SLCO1C1: variants seen among roughly 807,000 people sequenced by gnomAD.
SLCO1C1 encodes OAT-RP-5.
SLCO1C1 carries 70 observed loss-of-function variants against 76.4 expected under a neutral mutation model. The observed-to-expected ratio is 0.92, with a 90% CI of 0.76 to 1.12. The LOEUF is 1.12. Ranked by LOEUF, SLCO1C1 falls within the 50% of genes most tolerant of loss-of-function variation. The pLI, the probability that SLCO1C1 is intolerant of heterozygous loss-of-function variation, is 0.00. For synonymous variants in SLCO1C1, 306 were observed against 286.1 expected, an observed-to-expected ratio of 1.07 and a Z score of -0.70; for missense variants, 912 against 823.8, an observed-to-expected ratio of 1.11 and a Z score of -1.31.
At chr12:20,697,623 G>A (rs1042964071) in intron 1 of SLCO1C1, 3 of 151,970 alleles carry the variant, frequency 2.0e-5, no homozygotes, top group East Asian at 1.9e-4. Context: ...AATAGATGTC[G>A]AATTTTATCA....
At chr12:20,733,389 T>C (rs887942215) in intron 10 of SLCO1C1, among the ~76,000 whole-genome samples, 2 of 152,214 alleles carry the variant, frequency 1.3e-5, no homozygotes, top group African/African-American at 4.8e-5. Context: ...AATACAAACC[T>C]TGAATAATGC....
At chr12:20,734,349 T>A (rs1057298385) in intron 10 of SLCO1C1, among the ~76,000 whole-genome samples, 5 of 152,190 alleles carry the variant, frequency 3.3e-5, no homozygotes, top group African/African-American at 1.2e-4. Flanking sequence ...TAGTGCTGCC[T>A]TAGTGAAAGT....
At chr12:20,715,844 A>G (rs1947337891) in intron 6 of SLCO1C1, among the ~76,000 whole-genome samples, 1 of 152,232 alleles carries the variant, frequency 6.6e-6, no homozygotes, top group Non-Finnish European at 1.5e-5. Flanking sequence ...ATCCCAGTAA[A>G]TAGACCAGCA....
At chr12:20,731,979 C>T (rs1948293603) in intron 9 of SLCO1C1, among the ~76,000 whole-genome samples, 2 of 152,132 alleles carry the variant, frequency 1.3e-5, no homozygotes, top group South Asian at 4.1e-4. Context: ...GGTTTAGAGA[C>T]ATTCAAAGAA....
intron 5 of SLCO1C1, among the ~76,000 whole-genome samples, chr12:20,713,407 T>A (rs1366916038): frequency 1.3e-5 from 2 of 152,110 alleles, no homozygotes; most frequent in Admixed American, 1.3e-4. Flanking sequence ...GCACAACTAG[T>A]TAGGAAATAT....
intron 14 of SLCO1C1, among the ~76,000 whole-genome samples, chr12:20,752,012 G>C (rs1391851077): frequency 6.6e-6 from 1 of 152,082 alleles, no homozygotes; most frequent in African/African-American, 2.4e-5. Context: ...AGCATAAACT[G>C]GGGCTGTTCT....
chr12:20,716,150 C>A (rs989008442), intron 6 of SLCO1C1, among the ~76,000 whole-genome samples: 4 of 152,322 alleles, frequency 2.6e-5, no homozygotes, highest in Non-Finnish European at 4.4e-5. Flanking sequence ...CTTGGCTATG[C>A]TCTGCAGGAC....
In SLCO1C1 at chr12:20,751,878, A is replaced by G. The variant is rs145047182; in HGVS notation, c.1917-428A>G. On this transcript the variant is annotated intron_variant, in intron 14 of 14. Transcript: ENST00000266509. ...ATTCCCATTAGCATTTCTTTATGCA[A>G]GTTTTCCAAAGAAATGAAGTTGGGA... Among the ~76,000 whole-genome samples the G allele has an allele frequency of 2.0e-4, 31 of 152,276 alleles. No homozygotes were observed. The East Asian group carries it at 4.2e-3, about 21-fold the overall frequency.
intron 3 of SLCO1C1, among the ~76,000 whole-genome samples, chr12:20,703,955 C>CTG (rs146325219): frequency 0.076 from 10,650 of 140,178 alleles, 430 homozygotes; most frequent in African/African-American, 0.12. Context: ...TCGAGTGTGT[C>CTG]TGTGTGTGTG....
intron 1 of SLCO1C1, chr12:20,697,100 T>C (rs543502896): frequency 1.3e-5 from 2 of 152,196 alleles, no homozygotes; most frequent in Non-Finnish European, 2.9e-5. Context: ...TTTAACATAA[T>C]TATTTTTTCT....
chr12:20,704,485 CAAT>C (rs745406291), intron 3 of SLCO1C1, among the ~76,000 whole-genome samples: 7 of 151,772 alleles, frequency 4.6e-5, no homozygotes, highest in Non-Finnish European at 1.0e-4. Context: ...ATATGATACA[CAAT>C]GTCTTCTACT....
intron 9 of SLCO1C1, among the ~76,000 whole-genome samples, chr12:20,726,647 G>T (rs942649250): frequency 1.6e-4 from 24 of 151,982 alleles, no homozygotes; most frequent in African/African-American, 5.8e-4. Flanking sequence ...AAGAAATTTG[G>T]ATAGGCAGCT....
At chr12:20,707,031 C>T (rs988240281) in intron 4 of SLCO1C1, among the ~76,000 whole-genome samples, 4 of 136,320 alleles carry the variant, frequency 2.9e-5, no homozygotes, top group African/African-American at 1.1e-4. Flanking sequence ...TTCTAGACCA[C>T]TTATGTAAGT....
intron 13 of SLCO1C1, among the ~76,000 whole-genome samples, chr12:20,750,302 G>A (rs1949236252): frequency 6.6e-6 from 1 of 152,126 alleles, no homozygotes; most frequent in South Asian, 2.1e-4. Flanking sequence ...GTATGATTCC[G>A]GGACAGATTA....
chr12:20,716,549 A>G (rs1163425763), intron 6 of SLCO1C1, among the ~76,000 whole-genome samples: 2 of 152,306 alleles, frequency 1.3e-5, no homozygotes, highest in East Asian at 1.9e-4. Context: ...CCTTTAGGCC[A>G]TCTGTTCCAC....
At chr12:20,735,533 G>A (rs763439362) in intron 10 of SLCO1C1, among the ~76,000 whole-genome samples, 1 of 152,098 alleles carries the variant, frequency 6.6e-6, no homozygotes, top group Non-Finnish European at 1.5e-5. Flanking sequence ...TATACTTTCA[G>A]ATAATACAAA....
At chr12:20,696,748 G>C (rs1946285777) in intron 1 of SLCO1C1, 1 of 152,076 alleles carries the variant, frequency 6.6e-6, no homozygotes, top group Non-Finnish European at 1.5e-5. Context: ...TACTTCTGCA[G>C]TTGCAAATGA....
Position 20,709,874 on chromosome 12 carries a change from C to T in SLCO1C1, c.405-1512C>T, listed in dbSNP as rs1396629984. ...CCGCAGTCCGACCTGGGCGACAGAG[C>T]GAGACTCCGTCTCAAAAAAAAAAAA... On this transcript the variant is annotated intron_variant, in intron 4 of 14. Coordinates refer to ENST00000266509, the MANE Select transcript of SLCO1C1 (RefSeq NM_017435.5). Among the ~76,000 whole-genome samples the T allele has an allele frequency of 3.3e-4, 3 of 9,126 alleles. 1 individual carries two copies. The highest frequency in any genetic ancestry group is 8.7e-4 in the African/African-American group (3 of 3,444). The allele number at this position is 9,126 out of a possible 152,430, so 6.0% of individuals were successfully genotyped here. A position where few individuals can be genotyped will look rare whatever the true frequency, so the allele number is the denominator to read the frequency against.
intron 7 of SLCO1C1, among the ~76,000 whole-genome samples, chr12:20,719,058 C>T (rs1406490055): frequency 6.6e-6 from 1 of 151,380 alleles, no homozygotes; most frequent in African/African-American, 2.4e-5. Flanking sequence ...TTTGGGTCTC[C>T]GTGTCACATT....
Sources: gnomAD v4.1 joint callset for allele counts (sites outside exome capture counted in the v4.1 genomes callset) on GRCh38, gnomAD v4.1.1 for gene constraint, MANE v1.5 for transcripts, NCBI Gene and HGNC (gene_info 2026-07-23, HGNC 2026-07-21) for gene names.